The following PDGFC variants were observed in gnomAD, a reference collection of about 807,000 sequenced individuals.
PDGFC encodes platelet derived growth factor C.
In PDGFC, 12 loss-of-function variants were observed where a neutral mutation model predicts 35.5. The observed-to-expected ratio is 0.34, with a 90% CI of 0.22 to 0.55. PDGFC has a LOEUF of 0.55. PDGFC is among the 20% of genes least tolerant of loss of function. The pLI, the probability that PDGFC is intolerant of heterozygous loss-of-function variation, is 0.91. For missense variants in PDGFC, 322 were observed against 412.4 expected (o/e 0.78, Z 1.90); for synonymous variants, 159 against 148.8 (o/e 1.07, Z -0.50).
intron 3 of PDGFC, among the ~76,000 whole-genome samples, chr4:156,805,807 C>T (rs1379571121): frequency 6.6e-6 from 1 of 152,004 alleles, no homozygotes; most frequent in African/African-American, 2.4e-5. Context: ...TCAATATTCA[C>T]TGTGCTGCTT....
At chr4:156,900,908 GGAGGGAGGGAGAGAGGAAGT>G (rs1730753825) in intron 1 of PDGFC, among the ~76,000 whole-genome samples, 1 of 145,730 alleles carries the variant, frequency 6.9e-6, no homozygotes, top group Non-Finnish European at 1.5e-5. Flanking sequence ...AGGGAGGAAG[GGAGGGAGGGAGAGAGGAAGT>G]GAGGGAGGGA....
At chr4:156,812,829 C>T (rs1316707842) in intron 2 of PDGFC, among the ~76,000 whole-genome samples, 2 of 152,116 alleles carry the variant, frequency 1.3e-5, no homozygotes, top group African/African-American at 4.8e-5. Flanking sequence ...AGAGCTGCCA[C>T]TCAAGAAAGT....
chr4:156,785,176 A>C (rs1213143202), intron 3 of PDGFC, among the ~76,000 whole-genome samples: 1 of 152,132 alleles, frequency 6.6e-6, no homozygotes, highest in Non-Finnish European at 1.5e-5. Flanking sequence ...GACTAAGGAC[A>C]CCCAGGCTAA....
intron 1 of PDGFC, among the ~76,000 whole-genome samples, chr4:156,890,521 C>A (rs549034454): frequency 1.4e-4 from 22 of 152,258 alleles, no homozygotes; most frequent in African/African-American, 5.1e-4. Context: ...CTTTTCTGAC[C>A]AGTCTTTCCT....
At chr4:156,865,322 G>C (rs1010441367) in intron 1 of PDGFC, among the ~76,000 whole-genome samples, 1 of 151,850 alleles carries the variant, frequency 6.6e-6, no homozygotes, top group Non-Finnish European at 1.5e-5. Flanking sequence ...CAGGAAAAAC[G>C]CATATCCAAT....
intron 1 of PDGFC, among the ~76,000 whole-genome samples, chr4:156,948,271 G>T (rs1031219825): frequency 6.7e-6 from 1 of 150,094 alleles, no homozygotes; most frequent in Non-Finnish European, 1.5e-5. Flanking sequence ...AATGTTGGCA[G>T]CTATCTTCTT....
chr4:156,841,053 A>G (rs1035784574), intron 2 of PDGFC, among the ~76,000 whole-genome samples: 1 of 150,980 alleles, frequency 6.6e-6, no homozygotes, highest in Non-Finnish European at 1.5e-5. Context: ...TTGGACTTGG[A>G]CTTTTGGGTT....
Position 156,772,762 on chromosome 4 carries a change from C to T in PDGFC, c.627G>A (p.Gln209=), listed in dbSNP as rs749956577. The T allele has an allele frequency of 3.1e-6, 5 of 1,613,422 alleles. No homozygotes were observed. The highest frequency in any genetic ancestry group is 1.1e-5 in the South Asian group (1 of 91,072). ...LIRYLEPERW[Q]LDLEDLYRPT... is the part of the protein sequence containing the mutation. ...GCCTATATAGATCTTCTAAGTCCAACTGCCATCTCTCTGGTTCAAGATATC... is the reference window on the plus strand; with the variant it reads ...GCCTATATAGATCTTCTAAGTCCAATTGCCATCTCTCTGGTTCAAGATATC... The change falls in exon 4 of 6, where the codon CAG becomes CAA. Residue 209 remains glutamine (Q), a synonymous_variant. Coordinates refer to ENST00000502773, the MANE Select transcript of PDGFC (RefSeq NM_016205.3).
intron 1 of PDGFC, among the ~76,000 whole-genome samples, chr4:156,923,794 A>T (rs1316589865): frequency 2.0e-5 from 3 of 152,152 alleles, no homozygotes; most frequent in African/African-American, 7.2e-5. Context: ...AATACATGTA[A>T]CGAACTGGGG....
rs377520928 is a variant in PDGFC, at chr4:156,884,791, C to G, written c.119-34375G>C. 2.2e-3 allele frequency among the ~76,000 whole-genome samples: 338 copies of G among 152,236 alleles called. 1 individual carries two copies. The highest frequency in any genetic ancestry group is 7.9e-3 in the African/African-American group (327 of 41,546). On this transcript the variant is annotated intron_variant, in intron 1 of 5. Coordinates refer to ENST00000502773, the MANE Select transcript of PDGFC (RefSeq NM_016205.3). ...GATACCACATATACATAATAGGAAA[C>G]TAGTTCAATAGAAAGCATTTCATTG...
chr4:156,776,630 T>C (rs1730837435), intron 3 of PDGFC, among the ~76,000 whole-genome samples: 1 of 152,268 alleles, frequency 6.6e-6, no homozygotes, highest in African/African-American at 2.4e-5. Context: ...ATCTATGTGA[T>C]GAAGTGTCCT....
intron 1 of PDGFC, among the ~76,000 whole-genome samples, chr4:156,968,151 C>T (rs930999193): frequency 6.6e-6 from 1 of 152,026 alleles, no homozygotes; most frequent in Non-Finnish European, 1.5e-5. Context: ...CTTGAAATAC[C>T]AAGTTAATAT....
At chr4:156,824,327 T>TATATATATATATAC (rs1491500876) in intron 2 of PDGFC, among the ~76,000 whole-genome samples, 51 of 102,734 alleles carry the variant, frequency 5.0e-4, no homozygotes, top group Non-Finnish European at 8.4e-4. Flanking sequence ...TATATATATA[T>TATATATATATATAC]ACACACACAC....
chr4:156,825,575 T>TGAAGAAGGAG (rs1553967764), intron 2 of PDGFC, among the ~76,000 whole-genome samples: 1 of 95,582 alleles, frequency 1.0e-5, no homozygotes, highest in African/African-American at 5.7e-5. Flanking sequence ...ATAATAATAA[T>TGAAGAAGGAG]AATAATAATA....
chr4:156,793,332 G>A (rs1205981267), intron 3 of PDGFC, among the ~76,000 whole-genome samples: 5 of 151,448 alleles, frequency 3.3e-5, no homozygotes, highest in African/African-American at 1.2e-4. Context: ...CCCAGAAAGG[G>A]ACGTAAAATG....
intron 3 of PDGFC, chr4:156,778,110 TAAAAAATA>T: frequency 4.2e-6 from 1 of 240,784 alleles, no homozygotes; most frequent in Non-Finnish European, 8.9e-6. Context: ...CCTCAAAAAA[TAAAAAATA>T]AAAAAATAAA....
In PDGFC at chr4:156,761,585, A is replaced by G. The variant is rs1232760085; in HGVS notation, c.*1505T>C. On this transcript the variant is annotated 3_prime_UTR_variant, in exon 6 of 6. Coordinates refer to ENST00000502773, the MANE Select transcript of PDGFC (RefSeq NM_016205.3). ...ATCTTTCATTTTCTCAGAGTCCAAG[A>G]AATAAATCTTGAGCACACACACACA... The G allele has an allele frequency of 6.6e-6, 1 of 152,538 alleles. No homozygotes were observed. Among genetic ancestry groups the G allele is most frequent in the Non-Finnish European group, 1.5e-5 (1 of 68,048 alleles). The allele number at this position is 152,538 out of a possible 1,614,324, so 9.4% of individuals were successfully genotyped here.
intron 1 of PDGFC, among the ~76,000 whole-genome samples, chr4:156,896,738 T>G (rs565858058): frequency 6.6e-6 from 1 of 152,046 alleles, no homozygotes; most frequent in Non-Finnish European, 1.5e-5. Context: ...CTATGGCAAC[T>G]AAAGGGGATA....
rs78448542 is a variant in PDGFC at position 156,775,977 on chromosome 4, G to T, written c.496-3084C>A. On this transcript the variant is annotated intron_variant, in intron 3 of 5. Transcript: ENST00000502773. ...CCCTGGACAGAACAGGGGAAGTGGT[G>T]CTTCTATTTAAGGGCCTTCTCATGA... 6.8e-3 allele frequency among the ~76,000 whole-genome samples: 1,033 copies of T among 152,120 alleles called. 15 individuals are homozygous for T. The highest frequency in any genetic ancestry group is 0.024 in the African/African-American group (995 of 41,448).
Sources: allele counts gnomAD v4.1 joint callset (sites outside exome capture counted in the v4.1 genomes callset), GRCh38; gene constraint gnomAD v4.1.1; transcripts MANE v1.5; gene names NCBI Gene and HGNC (gene_info 2026-07-23, HGNC 2026-07-21).